Variants in ZNF730 observed in about 807,000 individuals in gnomAD.
ZNF730 encodes the protein putative zinc finger protein 730.
ZNF730 carries 12 observed loss-of-function variants against 12.6 expected under a neutral mutation model. That is an observed-to-expected ratio of 0.95 (90% CI 0.61 to 1.54). ZNF730 has a LOEUF of 1.54. Ranked by LOEUF, ZNF730 falls within the 40% of genes most tolerant of loss-of-function variation. The pLI, the probability that ZNF730 is intolerant of heterozygous loss-of-function variation, is 0.00. For synonymous variants in ZNF730, 194 were observed against 195.8 expected (o/e 0.99, Z 0.08); for missense variants, 643 against 583.5 (o/e 1.10, Z -1.05).
chr19:23,139,724 C>A (rs1318905359), intron 3 of ZNF730, among the ~76,000 whole-genome samples: 1 of 152,018 alleles, frequency 6.6e-6, no homozygotes, highest in African/African-American at 2.4e-5. Flanking sequence ...AGGGTTTCAC[C>A]TTGTTGGTCA....
intron 3 of ZNF730, 40 bp downstream of exon 3, chr19:23,136,083 A>G (rs1229133972): frequency 1.3e-5 from 18 of 1,371,298 alleles, no homozygotes; most frequent in Non-Finnish European, 1.6e-5. Flanking sequence ...CTGATAAGAG[A>G]TCTATAGTTT....
chr19:23,127,489 A>T, intron 1 of ZNF730: 1 of 1,037,458 alleles, frequency 9.6e-7, no homozygotes, highest in Non-Finnish European at 1.5e-6. Flanking sequence ...TTTCCCTTGA[A>T]GCATCAAAAT....
intron 1 of ZNF730, among the ~76,000 whole-genome samples, chr19:23,079,453 G>A (rs910530596): frequency 6.6e-6 from 1 of 152,090 alleles, no homozygotes; most frequent in African/African-American, 2.4e-5. Context: ...CACCGCGCCC[G>A]GCCTATTGCT....
Position 23,079,437 on chromosome 19 carries a change from C to T in ZNF730, c.-94+4050C>T, listed in dbSNP as rs185743060. ...CCTCCCAGAGTGCTGGAATTACAGC[C>T]ATAGCCACCGCGCCCGGCCTATTGC... On this transcript the variant is annotated intron_variant, in intron 1 of 2. Transcript: ENST00000593635. Among the ~76,000 whole-genome samples the T allele has an allele frequency of 1.1e-3, 165 of 152,286 alleles. 1 individual carries two copies. The highest frequency in any genetic ancestry group is 3.8e-3 in the African/African-American group (156 of 41,566).
intron 1 of ZNF730, among the ~76,000 whole-genome samples, chr19:23,131,859 T>G (rs1970746658): frequency 6.6e-6 from 1 of 152,230 alleles, no homozygotes; most frequent in African/African-American, 2.4e-5. Context: ...AAGCCCAGGC[T>G]TCTAATTAGA....
intron 1 of ZNF730, among the ~76,000 whole-genome samples, chr19:23,096,395 A>C (rs757694375): frequency 6.6e-6 from 1 of 152,074 alleles, no homozygotes; most frequent in African/African-American, 2.4e-5. Context: ...ACTCTCCTAC[A>C]TGGGCCCCCA....
chr19:23,095,981 G>A (rs1003500423), intron 1 of ZNF730, among the ~76,000 whole-genome samples: 2 of 152,098 alleles, frequency 1.3e-5, no homozygotes, highest in Non-Finnish European at 2.9e-5. Context: ...CCTGTCCACA[G>A]TGGAGAGTAT....
chr19:23,086,685 G>A (rs1367826308), intron 1 of ZNF730, among the ~76,000 whole-genome samples: 1 of 152,046 alleles, frequency 6.6e-6, no homozygotes, highest in African/African-American at 2.4e-5. Flanking sequence ...TTAGTTTCTG[G>A]AGCCCTGTAG....
At chr19:23,099,245 C>T (rs1278670608) in intron 1 of ZNF730, among the ~76,000 whole-genome samples, 1 of 152,076 alleles carries the variant, frequency 6.6e-6, no homozygotes, top group Non-Finnish European at 1.5e-5. Context: ...CTCTGTGGAC[C>T]CAGCCATTCG....
intron 1 of ZNF730, chr19:23,127,494 CA>C: frequency 2.0e-6 from 2 of 1,006,534 alleles, no homozygotes; most frequent in South Asian, 1.3e-5. Flanking sequence ...CTTGAAGCAT[CA>C]AAATCAGCTC....
At chr19:23,075,362 C>A in exon 1 of ZNF730, 1 of 154,372 alleles carries the variant, frequency 6.5e-6, no homozygotes, top group South Asian at 1.8e-4. Context: ...GCCAAGATGC[C>A]AGGGCACCCT....
upstream of ZNF730, among the ~76,000 whole-genome samples, chr19:23,114,508 A>ATTTATT (rs1230057430): frequency 0.032 from 1,088 of 33,520 alleles, 9 homozygotes; most frequent in African/African-American, 0.05. Flanking sequence ...TTTTTATTTT[A>ATTTATT]TTTATTTTTA....
chr19:23,127,449 A>G (rs1402600114), intron 1 of ZNF730: 10 of 1,085,616 alleles, frequency 9.2e-6, no homozygotes, highest in Non-Finnish European at 1.3e-5. Context: ...TTTGTCATTG[A>G]CCCTTCTCCT....
chr19:23,102,925 T>A (rs574247425), intron 1 of ZNF730, among the ~76,000 whole-genome samples: 2 of 152,330 alleles, frequency 1.3e-5, no homozygotes, highest in South Asian at 4.1e-4. Flanking sequence ...AATACCACTT[T>A]CTTTTATACT....
At chr19:23,088,267 G>A (rs1466724883) in intron 1 of ZNF730, among the ~76,000 whole-genome samples, 3 of 150,194 alleles carry the variant, frequency 2.0e-5, no homozygotes, top group African/African-American at 2.4e-5. Context: ...TGATCTGCCC[G>A]CCTTGGCCTC....
At chr19:23,126,674 TC>T in intron 1 of ZNF730, 1 of 494,250 alleles carries the variant, frequency 2.0e-6, no homozygotes, top group African/African-American at 2.0e-5. Context: ...TTTTTTTTTT[TC>T]TGAATGCAGC....
At chr19:23,091,900 T>C (rs1035893048) in intron 1 of ZNF730, among the ~76,000 whole-genome samples, 1 of 152,070 alleles carries the variant, frequency 6.6e-6, no homozygotes, top group Admixed American at 6.6e-5. Context: ...GGAAGCATGA[T>C]TGGATTTGAA....
upstream of ZNF730, among the ~76,000 whole-genome samples, chr19:23,114,107 A>G (rs1289714370): frequency 2.0e-5 from 3 of 152,108 alleles, no homozygotes; most frequent in Admixed American, 1.3e-4. Flanking sequence ...TAATCAATCT[A>G]GCTGTTCCTG....
At chr19:23,131,486 C>G (rs1249000956) in intron 1 of ZNF730, among the ~76,000 whole-genome samples, 1 of 151,984 alleles carries the variant, frequency 6.6e-6, no homozygotes, top group Admixed American at 6.5e-5. Flanking sequence ...TTTCTAAATA[C>G]AAAAACAAAA....
Sources: gnomAD v4.1 joint callset for allele counts (sites outside exome capture counted in the v4.1 genomes callset) on GRCh38, gnomAD v4.1.1 for gene constraint, MANE v1.5 for transcripts, NCBI Gene and HGNC (gene_info 2026-07-23, HGNC 2026-07-21) for gene names.